The following ZFP28 variants were observed in gnomAD, a reference collection of about 807,000 sequenced individuals.
ZFP28 encodes ZFP28 zinc finger protein.
ZFP28 carries 31 observed loss-of-function variants against 39.5 expected under a neutral mutation model. The observed-to-expected ratio is 0.79, with a 90% CI of 0.59 to 1.06. The LOEUF is 1.06. ZFP28 is among the 50% of genes least tolerant of loss of function. ZFP28 has a pLI of 0.00. For missense variants in ZFP28, 925 were observed against 1,048.4 expected, an observed-to-expected ratio of 0.88 and a Z score of 1.63; for synonymous variants, 400 against 378.6, an observed-to-expected ratio of 1.06 and a Z score of -0.66.
In ZFP28 at chr19:56,554,464, C is replaced by G; in HGVS notation, c.1679C>G (p.Pro560Arg). Residue 560 changes from proline to arginine, a missense_variant, in exon 8 of 8, where the codon CCA (proline) becomes CGA (arginine). Around this residue, in one of 2 missense-constraint regions of ZFP28, gnomAD observed 369 missense variants for 505.5 expected, o/e 0.73. Coordinates refer to ENST00000301318, the MANE Select transcript of ZFP28 (RefSeq NM_020828.2). This position sits in a 1 kb window ranked among gnomAD's most constrained non-coding sequence, Gnocchi z 6.7. ...CAAAGGATTCATACCGGAGAAAAACCATATGAATGTGATGTTTGCAGAAAA... is the reference window on the plus strand; with the variant it reads ...CAAAGGATTCATACCGGAGAAAAACGATATGAATGTGATGTTTGCAGAAAA... ...VHQRIHTGEKPYECDVCRKAF... is the reference protein window; with the variant it reads ...VHQRIHTGEKRYECDVCRKAF... 1.2e-6 allele frequency: 2 copies of G among 1,614,164 alleles called. No homozygotes were observed. The highest frequency in any genetic ancestry group is 8.5e-7 in the Non-Finnish European group (1 of 1,180,022).
rs777289622 is a variant in ZFP28 at position 56,555,343 on chromosome 19, A to G, written c.2558A>G (p.Asp853Gly). The stretch of plus-strand genomic sequence containing the variant: ...TTACCTTCCACGTCAAATCCTGTGG[A>G]TCTGTTTCCCAAATTTCTCTGGAAT... ...PSLPSTSNPV[D>G]LFPKFLWNPS... The change falls in exon 8 of 8, where the codon GAT becomes GGT. Residue 853 changes from aspartate to glycine, a missense_variant. Transcript: ENST00000301318. The G allele has an allele frequency of 1.9e-6, 3 of 1,613,274 alleles. No homozygotes were observed. The highest frequency in any genetic ancestry group is 2.5e-6 in the Non-Finnish European group (3 of 1,179,706).
Position 56,554,724 on chromosome 19 carries a change from T to G in ZFP28, c.1939T>G (p.Cys647Gly). 1.2e-6 allele frequency: 2 copies of G among 1,614,152 alleles called. No homozygotes were observed. Reference protein sequence around the residue: ...RIHTGEKPYECKVCSKAFTQK... With the variant: ...RIHTGEKPYEGKVCSKAFTQK... ...CCATACTGGAGAGAAGCCCTATGAA[T>G]GTAAGGTTTGTAGTAAAGCGTTCAC... The change falls in exon 8 of 8, where the codon TGT becomes GGT. Residue 647 changes from cysteine to glycine, a missense_variant. Around this residue, in one of 2 missense-constraint regions of ZFP28, gnomAD observed 369 missense variants for 505.5 expected, o/e 0.73. Coordinates refer to ENST00000301318, the MANE Select transcript of ZFP28 (RefSeq NM_020828.2). The surrounding 1 kb of genome is among the most constrained non-coding windows in gnomAD (Gnocchi z 6.7).
At chr19:56,542,652 G>T (rs560243135) in intron 2 of ZFP28, among the ~76,000 whole-genome samples, 4 of 152,340 alleles carry the variant, frequency 2.6e-5, no homozygotes, top group African/African-American at 9.6e-5. Context: ...TTTGGTGGAT[G>T]AATGTTTGAA....
At chr19:56,541,337 G>A (rs1446098371) in intron 2 of ZFP28, among the ~76,000 whole-genome samples, 2 of 150,464 alleles carry the variant, frequency 1.3e-5, no homozygotes, top group East Asian at 4.0e-4. Context: ...TGCAAATTAT[G>A]TGCAGAATCT....
chr19:56,539,810 A>G lies in ZFP28; in HGVS notation c.300+94A>G, dbSNP rs1024858729. 3.4e-6 allele frequency: 4 copies of G among 1,172,228 alleles called. No individual in the cohort carries two copies. The African/African-American group carries it at 6.2e-5, about 18-fold the overall frequency. 72.6% of individuals were successfully genotyped at this position (1,172,228 alleles called of 1,614,324 possible). A position where few individuals can be genotyped will look rare whatever the true frequency, so the allele number is the denominator to read the frequency against. On this transcript the variant is annotated intron_variant, in intron 2 of 7. Coordinates refer to ENST00000301318, the MANE Select transcript of ZFP28 (RefSeq NM_020828.2). ...TTCTTGAAAGTTTTCAGTTTAAGAGACCTGTTTGGGCGCGGGTTTCTATTT... is the reference window on the plus strand; with the variant it reads ...TTCTTGAAAGTTTTCAGTTTAAGAGGCCTGTTTGGGCGCGGGTTTCTATTT...
rs1176912739 is a variant in ZFP28, at chr19:56,554,842, C to T, written c.2057C>T (p.Thr686Ile). The T allele has an allele frequency of 6.2e-7, 1 of 1,614,066 alleles. No homozygotes were observed. Among genetic ancestry groups the T allele is most frequent in the African/African-American group, 1.3e-5 (1 of 74,938 alleles). ...KECGKAFSQTTHLIQHQRVHT... is the reference protein window; with the variant it reads ...KECGKAFSQTIHLIQHQRVHT... The stretch of plus-strand genomic sequence containing the variant: ...TGCGGTAAAGCCTTCAGCCAGACCA[C>T]ACACCTCATTCAACATCAGAGAGTT... Residue 686 changes from threonine to isoleucine, a missense_variant, in exon 8 of 8, where the codon ACA becomes ATA. Physicochemically the swap from Thr to Ile is moderately conservative, Grantham distance 89 (BLOSUM62 -1). This residue lies in a region of ZFP28 where 369 missense variants were observed against 505.5 expected (regional missense o/e 0.73). Transcript: ENST00000301318. The surrounding 1 kb of genome is among the most constrained non-coding windows in gnomAD (Gnocchi z 6.7).
At chr19:56,550,938 G>C (rs1474226509) in intron 7 of ZFP28, 32 of 1,408,054 alleles carry the variant, frequency 2.3e-5, no homozygotes, top group Non-Finnish European at 2.9e-5. Context: ...ATGGCCTATT[G>C]TTTTCATCAT....
At chr19:56,551,344 C>T (rs1385478903) in intron 7 of ZFP28, 19 of 986,634 alleles carry the variant, frequency 1.9e-5, no homozygotes, top group East Asian at 2.3e-4. Context: ...AAAACCGTGA[C>T]GTTATCACAA....
At chr19:56,540,367 T>C (rs1337898621) in intron 2 of ZFP28, among the ~76,000 whole-genome samples, 1 of 152,248 alleles carries the variant, frequency 6.6e-6, no homozygotes. Flanking sequence ...TTCCACTTGA[T>C]TTTGTGGCTT....
chr19:56,548,913 C>G (rs1216893753), intron 4 of ZFP28, 45 bp from the exon 5 acceptor site: 1 of 1,554,334 alleles, frequency 6.4e-7, no homozygotes, highest in Admixed American at 2.0e-5. Context: ...TTTCTTCATA[C>G]TAACACATGA....
chr19:56,540,488 T>C (rs2044186401), intron 2 of ZFP28, among the ~76,000 whole-genome samples: 1 of 152,192 alleles, frequency 6.6e-6, no homozygotes, highest in Non-Finnish European at 1.5e-5. Context: ...CCTCAAAAAA[T>C]ATATGTACAG....
In ZFP28 at chr19:56,539,622, C is replaced by T. The variant is rs1438152390; in HGVS notation, c.209-3C>T. On this transcript the variant is annotated splice_polypyrimidine_tract_variant and splice_region_variant and intron_variant, in intron 1 of 7. Coordinates refer to ENST00000301318, the MANE Select transcript of ZFP28 (RefSeq NM_020828.2). ...GGTCTCTAGCTACTCCTTTCTCTTT[C>T]AGCTCTGCCTTCCAGGGACACTGCT... 1.2e-6 allele frequency: 2 copies of T among 1,613,784 alleles called. No individual in the cohort carries two copies. The highest frequency in any genetic ancestry group is 1.7e-6 in the Non-Finnish European group (2 of 1,179,794).
At position 56,551,004 on chromosome 19, in the gene ZFP28, T is replaced by C. The variant is rs145860633; in HGVS notation, c.898+399T>C. 264 of 1,299,262 alleles carry C rather than the reference T, an allele frequency of 2.0e-4. 1 individual carries two copies. In the African/African-American group the frequency reaches 3.4e-3, roughly 17 times the overall value. 80.5% of individuals were successfully genotyped at this position (1,299,262 alleles called of 1,614,324 possible). On this transcript the variant is annotated intron_variant, in intron 7 of 7. Transcript: ENST00000301318. Reference sequence around the variant, plus strand: ...AAGTTATGGGATTGAGCCACTCTGCTGAGTATTGGCAGGCGATTGGAAAAA... The same window carrying C: ...AAGTTATGGGATTGAGCCACTCTGCCGAGTATTGGCAGGCGATTGGAAAAA...
In ZFP28 at chr19:56,550,194, C is replaced by G. The variant is rs938579933; in HGVS notation, c.802+13C>G. The G allele has an allele frequency of 1.3e-6, 2 of 1,596,340 alleles. No homozygotes were observed. Among genetic ancestry groups the G allele is most frequent in the Admixed American group, 1.7e-5 (1 of 57,592 alleles). On this transcript the variant is annotated intron_variant, in intron 6 of 7. Coordinates refer to ENST00000301318, the MANE Select transcript of ZFP28 (RefSeq NM_020828.2). ...CTGGGATCAGCAGGTAAGGATGTCC[C>G]TCTCCCATATTTGAATCTATCGTCG...
Position 56,547,927 on chromosome 19 carries a change from G to T in ZFP28, c.523+25G>T, listed in dbSNP as rs1200879780. 3 of 1,612,458 alleles carry T rather than the reference G, an allele frequency of 1.9e-6. No individual in the cohort carries two copies. The Admixed American group carries it at 5.0e-5, about 27-fold the overall frequency. On this transcript the variant is annotated intron_variant, in intron 4 of 7. Transcript: ENST00000301318. This position sits in a 1 kb window ranked among gnomAD's most constrained non-coding sequence, Gnocchi z 4.6. ...GGTGAGTGTGGGAGAACCAGGTAGGGTGAGGCCACTGCTGGTCATAGTTCA... is the reference window on the plus strand; with the variant it reads ...GGTGAGTGTGGGAGAACCAGGTAGGTTGAGGCCACTGCTGGTCATAGTTCA...
At chr19:56,550,799 A>G (rs1374811912) in intron 7 of ZFP28, 194 bp downstream of exon 7, 16 of 1,511,118 alleles carry the variant, frequency 1.1e-5, no homozygotes, top group Non-Finnish European at 1.4e-5. Context: ...AGTAACTGCC[A>G]TTTCCCTGAA....
intron 7 of ZFP28, 106 bp from the exon 8 acceptor site, chr19:56,553,578 T>G (rs549482793): frequency 7.2e-7 from 1 of 1,381,218 alleles, no homozygotes; most frequent in East Asian, 2.3e-5. Context: ...AAATGTATGT[T>G]GATGAATTCA....
chr19:56,551,827 T>C (rs2044306954), intron 7 of ZFP28: 3 of 983,818 alleles, frequency 3.0e-6, no homozygotes, highest in South Asian at 9.4e-5. Flanking sequence ...CAGTTCTCTC[T>C]TGTGTGTTAA....
chr19:56,538,464 TG>T (rs954543974), upstream of ZFP28: 2 of 152,722 alleles, frequency 1.3e-5, no homozygotes, highest in East Asian at 1.9e-4. Context: ...CAGAAGCCTT[TG>T]GGGGGTGGGT....
Sources: allele counts gnomAD v4.1 joint callset (sites outside exome capture counted in the v4.1 genomes callset), GRCh38; gene constraint gnomAD v4.1.1; regional missense constraint gnomAD v4.1.1; non-coding constraint Gnocchi (gnomAD v3.1); transcripts MANE v1.5; gene names NCBI Gene and HGNC (gene_info 2026-07-23, HGNC 2026-07-21).